POC1B: variants seen among roughly 807,000 people sequenced by gnomAD.
The protein encoded by POC1B is POC1 centriolar protein B, also known as POC1 centriolar protein homolog B.
In POC1B, 44 loss-of-function variants were observed where a neutral mutation model predicts 60.6. The ratio of observed to expected loss-of-function variants is 0.73; its 90% CI spans 0.57 to 0.93. The LOEUF (loss-of-function observed/expected upper bound fraction) is 0.93, where lower values mean the gene tolerates loss of function less well. POC1B is among the 40% of genes least tolerant of loss of function. The probability of loss-of-function intolerance (pLI) is 0.00; values close to 1 mark genes in which losing one functional copy is unlikely to be tolerated. For synonymous variants in POC1B, 180 were observed against 198.9 expected, an observed-to-expected ratio of 0.90 and a Z score of 0.80; for missense variants, 555 against 572.3, an observed-to-expected ratio of 0.97 and a Z score of 0.31.
At chr12:89,449,861 T>A (rs1881969016) in intron 10 of POC1B, among the ~76,000 whole-genome samples, 1 of 151,880 alleles carries the variant, frequency 6.6e-6, no homozygotes, top group South Asian at 2.1e-4. Flanking sequence ...GAAGAGAAAG[T>A]CTCCAAAGAG....
chr12:89,425,439 A>C, intron 10 of POC1B, 60 bp from the exon 11 acceptor site: 1 of 1,363,462 alleles, frequency 7.3e-7, no homozygotes, highest in Non-Finnish European at 1.0e-6. Flanking sequence ...AATGATATAT[A>C]TAAAAGTTTA....
intron 10 of POC1B, among the ~76,000 whole-genome samples, chr12:89,458,319 G>A (rs1268157295): frequency 6.6e-6 from 1 of 152,162 alleles, no homozygotes; most frequent in Non-Finnish European, 1.5e-5. Flanking sequence ...CCTACTATAA[G>A]CCAAGCACTG....
intron 2 of POC1B, 30 bp from the exon 3 acceptor site, chr12:89,497,372 G>C (rs751953828): frequency 1.9e-6 from 3 of 1,589,378 alleles, no homozygotes; most frequent in Non-Finnish European, 2.6e-6. Flanking sequence ...CAAAACCACT[G>C]TTTGTTAAAA....
At chr12:89,443,699 G>A (rs10858857) in intron 10 of POC1B, among the ~76,000 whole-genome samples, 88,253 of 133,446 alleles carry the variant, frequency 0.66, 27,223 homozygotes, top group Middle Eastern at 0.78. Context: ...AAGAACTAGA[G>A]AAGCAAGAGC....
In POC1B at chr12:89,445,761, T is replaced by C. The variant is rs568294158; in HGVS notation, c.1113+13877A>G. 2.2e-4 allele frequency among the ~76,000 whole-genome samples: 33 copies of C among 152,166 alleles called. 1 individual carries two copies. The highest frequency in any genetic ancestry group is 7.7e-4 in the African/African-American group (32 of 41,514). ...CAAAAGCCAAAATTGACAAATGGGATCTAATTAAACTAAAAAGCTTCTGCA... is the reference window on the plus strand; with the variant it reads ...CAAAAGCCAAAATTGACAAATGGGACCTAATTAAACTAAAAAGCTTCTGCA... On this transcript the variant is annotated intron_variant, in intron 10 of 11. Transcript: ENST00000313546.
chr12:89,511,448 A>T (rs1445908696), intron 2 of POC1B, among the ~76,000 whole-genome samples: 2 of 152,140 alleles, frequency 1.3e-5, no homozygotes, highest in South Asian at 2.1e-4. Context: ...GATAATTCAG[A>T]TTACCTTCAT....
chr12:89,413,528 G>A, the POC1B span, among the ~76,000 whole-genome samples: 5 of 152,130 alleles, frequency 3.3e-5, no homozygotes, highest in African/African-American at 1.2e-4. Context: ...TTTACTACAT[G>A]TTGGGGTTTC....
intron 2 of POC1B, among the ~76,000 whole-genome samples, chr12:89,510,763 C>CTTTTTTTTTTTT (rs56654469): frequency 7.2e-6 from 1 of 139,078 alleles, no homozygotes; most frequent in Non-Finnish European, 1.5e-5. Flanking sequence ...TGTTTTTATT[C>CTTTTTTTTTTTT]TTTTTTTTTT....
chr12:89,469,913 G>T (rs1041105707), intron 7 of POC1B, among the ~76,000 whole-genome samples: 1 of 151,464 alleles, frequency 6.6e-6, no homozygotes, highest in African/African-American at 2.4e-5. Context: ...CTGTTGCCGG[G>T]CTGGAGTGCA....
At chr12:89,521,068 T>C (rs767273468) in intron 2 of POC1B, 19 of 151,904 alleles carry the variant, frequency 1.3e-4, no homozygotes, top group Non-Finnish European at 2.6e-4. Context: ...CCCACAGAAG[T>C]AAACCACTTC....
chr12:89,484,555 C>T (rs774636563), intron 4 of POC1B, among the ~76,000 whole-genome samples: 1 of 152,230 alleles, frequency 6.6e-6, no homozygotes, highest in African/African-American at 2.4e-5. Flanking sequence ...TTAATTGGCA[C>T]TTTACATTCA....
intron 4 of POC1B, among the ~76,000 whole-genome samples, chr12:89,484,831 C>T (rs1868547795): frequency 6.6e-6 from 1 of 152,228 alleles, no homozygotes; most frequent in Non-Finnish European, 1.5e-5. Context: ...TCCATCCTGG[C>T]TCAGGGGAAG....
intron 10 of POC1B, among the ~76,000 whole-genome samples, chr12:89,435,940 CTTGT>C (rs927780194): frequency 1.3e-4 from 19 of 149,422 alleles, no homozygotes; most frequent in South Asian, 2.1e-4. Flanking sequence ...AAGTTTTTTT[CTTGT>C]TTGTTTGTTT....
At chr12:89,486,342 A>C (rs182232530) in intron 4 of POC1B, among the ~76,000 whole-genome samples, 2 of 152,136 alleles carry the variant, frequency 1.3e-5, no homozygotes, top group Non-Finnish European at 2.9e-5. Context: ...GAGAAGCAGA[A>C]ACCTTTCTTG....
chr12:89,513,670 C>T (rs1193891770), intron 2 of POC1B, among the ~76,000 whole-genome samples: 1 of 152,090 alleles, frequency 6.6e-6, no homozygotes, highest in East Asian at 1.9e-4. Context: ...GCTAGAGGTC[C>T]CCAACCCCCA....
intron 4 of POC1B, among the ~76,000 whole-genome samples, chr12:89,490,053 G>T (rs78332000): frequency 0.022 from 3,369 of 152,236 alleles, 101 homozygotes; most frequent in African/African-American, 0.072. Context: ...AGGGACCTGG[G>T]TACCAGCACA....
Position 89,522,648 on chromosome 12 carries a change from C to G in POC1B, c.100+2472G>C, listed in dbSNP as rs1451190841. 6.7e-6 allele frequency: 5 copies of G among 750,088 alleles called. No individual in the cohort carries two copies. The African/African-American group carries it at 9.1e-5, about 14-fold the overall frequency. 46.5% of individuals were successfully genotyped at this position (750,088 alleles called of 1,614,324 possible). ...TATTAAACAGCAGCACTCTGGGTAC[C>G]CAGTTTCAGTGTGATATACCAAAAT... On this transcript the variant is annotated intron_variant, in intron 2 of 11. Coordinates refer to ENST00000313546, the MANE Select transcript of POC1B (RefSeq NM_172240.3).
At chr12:89,525,401 G>C in intron 1 of POC1B, 197 bp from the exon 2 acceptor site, 2 of 1,390,516 alleles carry the variant, frequency 1.4e-6, no homozygotes, top group East Asian at 5.7e-5. Flanking sequence ...GCCGGCGCCA[G>C]CTCTCCCCGC....
chr12:89,430,626 C>A (rs1170498703), intron 10 of POC1B, among the ~76,000 whole-genome samples: 1 of 152,130 alleles, frequency 6.6e-6, no homozygotes, highest in Admixed American at 6.6e-5. Context: ...TCTGGGCTGG[C>A]GAGTCAGAAT....
Sources: gnomAD v4.1 joint callset for allele counts (sites outside exome capture counted in the v4.1 genomes callset) on GRCh38, gnomAD v4.1.1 for gene constraint, MANE v1.5 for transcripts, NCBI Gene and HGNC (gene_info 2026-07-23, HGNC 2026-07-21) for gene names.